The following PALM2AKAP2 variants were observed in gnomAD, a reference collection of about 807,000 sequenced individuals.
PALM2AKAP2 encodes PALM2-AKAP2 fusion protein.
PALM2AKAP2 carries 37 observed loss-of-function variants against 71.5 expected under a neutral mutation model. That is an observed-to-expected ratio of 0.52 (90% CI 0.40 to 0.68). The LOEUF (loss-of-function observed/expected upper bound fraction) is 0.68. Ranked by LOEUF, PALM2AKAP2 falls within the 30% of genes least tolerant of loss-of-function variation. The pLI is 0.00. For missense variants in PALM2AKAP2, 1,224 were observed against 1,191.8 expected (o/e 1.03, Z -0.40); for synonymous variants, 468 against 478.8 (o/e 0.98, Z 0.29).
At chr9:109,723,568 C>T (rs190021710) in intron 1 of PALM2AKAP2, among the ~76,000 whole-genome samples, 6 of 152,180 alleles carry the variant, frequency 3.9e-5, no homozygotes, top group Non-Finnish European at 8.8e-5. Flanking sequence ...ATGGAAGACC[C>T]GAGAGGGCTG....
intron 1 of PALM2AKAP2, among the ~76,000 whole-genome samples, chr9:109,827,860 G>A (rs532780812): frequency 6.6e-6 from 1 of 152,178 alleles, no homozygotes; most frequent in East Asian, 1.9e-4. Flanking sequence ...TAAAACTTCA[G>A]TTTAAAAACA....
intron 1 of PALM2AKAP2, among the ~76,000 whole-genome samples, chr9:109,676,095 A>G (rs980426732): frequency 6.6e-6 from 1 of 152,202 alleles, no homozygotes; most frequent in African/African-American, 2.4e-5. Flanking sequence ...GGTAGAGAAA[A>G]GTAGTCAGGG....
intron 1 of PALM2AKAP2, among the ~76,000 whole-genome samples, chr9:110,058,897 G>GTTTTT (rs1833901361): frequency 8.8e-6 from 1 of 113,454 alleles, no homozygotes. Flanking sequence ...AAAGTTTTTT[G>GTTTTT]GTTTTTTTTT....
chr9:109,699,800 A>T (rs1828026598), intron 1 of PALM2AKAP2, among the ~76,000 whole-genome samples: 1 of 145,206 alleles, frequency 6.9e-6, no homozygotes, highest in Admixed American at 6.9e-5. Flanking sequence ...TTTGAGATGG[A>T]GTCTCACTCT....
At chr9:109,687,972 G>T (rs1827827092) in intron 1 of PALM2AKAP2, among the ~76,000 whole-genome samples, 1 of 152,182 alleles carries the variant, frequency 6.6e-6, no homozygotes, top group Non-Finnish European at 1.5e-5. Flanking sequence ...GAGAGACAAA[G>T]GAATGGTTGA....
chr9:109,831,166 CACACACACACACACACAA>C (rs992218536), intron 1 of PALM2AKAP2, among the ~76,000 whole-genome samples: 25 of 147,934 alleles, frequency 1.7e-4, no homozygotes, highest in African/African-American at 5.3e-4. Flanking sequence ...CACACACACA[CACACACACACACACACAA>C]GCATAAATAG....
At chr9:109,952,280 C>T (rs1831659234) in intron 6 of PALM2AKAP2, among the ~76,000 whole-genome samples, 1 of 152,080 alleles carries the variant, frequency 6.6e-6, no homozygotes, top group South Asian at 2.1e-4. Flanking sequence ...GGGCCTGGTC[C>T]ATAGTAAGTG....
chr9:110,156,192 A>G, intron 2 of PALM2AKAP2, 127 bp from the exon 9 acceptor site: 1 of 1,336,460 alleles, frequency 7.5e-7, no homozygotes. Context: ...AATGGCCTAC[A>G]CTTAACCATC....
intron 2 of PALM2AKAP2, among the ~76,000 whole-genome samples, chr9:110,145,891 CTTTTTTTTTTTTTTTTT>C (rs61137720): frequency 1.6e-5 from 1 of 64,454 alleles, no homozygotes; most frequent in African/African-American, 6.6e-5. Flanking sequence ...CCTCACTCTT[CTTTTTTTTTTTTTTTTT>C]TTTTTTTTGA....
upstream of PALM2AKAP2, among the ~76,000 whole-genome samples, chr9:109,780,023 G>A (rs925210959): frequency 1.4e-4 from 21 of 151,614 alleles, 1 homozygote; most frequent in Non-Finnish European, 2.8e-4. Flanking sequence ...CGCCCCAGGT[G>A]CCCACTGGCT....
At chr9:109,835,301 AAG>A (rs772973228) in intron 1 of PALM2AKAP2, among the ~76,000 whole-genome samples, 2 of 133,304 alleles carry the variant, frequency 1.5e-5, no homozygotes, top group East Asian at 2.6e-4. Context: ...GGGTGGGGGA[AAG>A]AGGGGAGGGT....
At chr9:109,847,467 C>T (rs370676836) in intron 1 of PALM2AKAP2, among the ~76,000 whole-genome samples, 32 of 152,154 alleles carry the variant, frequency 2.1e-4, no homozygotes, top group Non-Finnish European at 4.7e-4. Context: ...TTTCGATGGG[C>T]GTGATGGCTC....
At chr9:110,025,265 G>A (rs369812686) in intron 7 of PALM2AKAP2, 14 of 1,146,658 alleles carry the variant, frequency 1.2e-5, no homozygotes, top group South Asian at 2.4e-5. Flanking sequence ...TTATAGATTC[G>A]CATATACGTG....
At chr9:109,744,757 C>T (rs1828773864) in intron 1 of PALM2AKAP2, among the ~76,000 whole-genome samples, 1 of 152,198 alleles carries the variant, frequency 6.6e-6, no homozygotes, top group Admixed American at 6.5e-5. Flanking sequence ...CAGGACCTCA[C>T]AGCCTCTGGC....
intron 7 of PALM2AKAP2, among the ~76,000 whole-genome samples, chr9:110,022,865 G>A (rs1229071608): frequency 6.6e-6 from 1 of 152,098 alleles, no homozygotes; most frequent in Non-Finnish European, 1.5e-5. Flanking sequence ...TGCTGAGAAT[G>A]ATGGTTTCCA....
chr9:109,922,383 C>G (rs1830852326), intron 3 of PALM2AKAP2, among the ~76,000 whole-genome samples: 1 of 126,698 alleles, frequency 7.9e-6, no homozygotes, highest in South Asian at 2.6e-4. Flanking sequence ...GATCGTACCA[C>G]TACACTCCAG....
intron 1 of PALM2AKAP2, among the ~76,000 whole-genome samples, chr9:110,132,063 G>C (rs1055375905): frequency 2.7e-5 from 4 of 150,478 alleles, no homozygotes; most frequent in African/African-American, 9.8e-5. Context: ...GTGTGTGTGT[G>C]TGTGTGTGAT....
chr9:109,879,961 G>T (rs548371426), intron 2 of PALM2AKAP2, among the ~76,000 whole-genome samples: 2 of 152,262 alleles, frequency 1.3e-5, no homozygotes, highest in South Asian at 4.2e-4. Context: ...GCCTCCCAAA[G>T]TGTTGGGATT....
intron 3 of PALM2AKAP2, among the ~76,000 whole-genome samples, chr9:109,900,252 C>T (rs1830299183): frequency 6.6e-6 from 1 of 152,222 alleles, no homozygotes; most frequent in Admixed American, 6.5e-5. Context: ...TAGACAAGTA[C>T]TGCCATGAAC....
Sources: gnomAD v4.1 joint callset for allele counts (sites outside exome capture counted in the v4.1 genomes callset) on GRCh38, gnomAD v4.1.1 for gene constraint, MANE v1.5 for transcripts, NCBI Gene and HGNC (gene_info 2026-07-23, HGNC 2026-07-21) for gene names.